Variants in TRMT11 observed in about 807,000 individuals in gnomAD.
TRMT11 encodes tRNA (guanine(10)-N(2))-methyltransferase TRMT11.
TRMT11 carries 53 observed loss-of-function variants against 62.8 expected under a neutral mutation model. The ratio of observed to expected loss-of-function variants is 0.84; its 90% CI spans 0.68 to 1.06. TRMT11 has a LOEUF of 1.06. Ranked by LOEUF, TRMT11 falls within the 50% of genes least tolerant of loss-of-function variation. The pLI is 0.00. For missense variants in TRMT11, 556 were observed against 553.4 expected (o/e 1.00, Z -0.05); for synonymous variants, 188 against 190.3 (o/e 0.99, Z 0.10).
chr6:126,155,767 C>G (rs1008564646), intron 21 of TRMT11, among the ~76,000 whole-genome samples: 1 of 152,216 alleles, frequency 6.6e-6, no homozygotes, highest in Admixed American at 6.5e-5. Flanking sequence ...GTCACCCAGG[C>G]TGGAGTGCAG....
intron 17 of TRMT11, among the ~76,000 whole-genome samples, chr6:126,105,856 G>A (rs1171804477): frequency 6.6e-6 from 1 of 152,120 alleles, no homozygotes; most frequent in African/African-American, 2.4e-5. Context: ...GAAACCAGGG[G>A]CTGTGTATTT....
rs115894371 is a variant in TRMT11 at position 126,089,691 on chromosome 6, A to C, written c.*1438-23175A>C. On this transcript the variant is annotated intron_variant and NMD_transcript_variant, in intron 17 of 22. Coordinates refer to the TRMT11 transcript ENST00000648977. ...CTGAAATCCAAGGGTGATGGAAAAA[A>C]AATAAATGGTAGAGGTTTTCTTCTT... is the stretch of plus-strand genomic sequence containing the variant. Among the ~76,000 whole-genome samples, 217 of 152,352 alleles carry C rather than the reference A, an allele frequency of 1.4e-3. 2 individuals carry two copies. Among genetic ancestry groups the C allele is most frequent in the African/African-American group, 5.0e-3 (209 of 41,584 alleles).
At chr6:126,032,810 A>C (rs1774456916) in intron 12 of TRMT11, among the ~76,000 whole-genome samples, 2 of 152,168 alleles carry the variant, frequency 1.3e-5, no homozygotes, top group South Asian at 4.1e-4. Context: ...AAGAATACTG[A>C]CTTTTAAGTG....
chr6:126,101,764 T>C (rs1407961542), intron 17 of TRMT11, among the ~76,000 whole-genome samples: 1 of 152,260 alleles, frequency 6.6e-6, no homozygotes, highest in Non-Finnish European at 1.5e-5. Flanking sequence ...AAGGCCATTC[T>C]TCATGCTCTT....
chr6:126,008,894 A>T (rs1190489243), intron 8 of TRMT11: 2 of 341,034 alleles, frequency 5.9e-6, no homozygotes, highest in Non-Finnish European at 1.2e-5. Flanking sequence ...TAATCTTCAA[A>T]TACAAAATTG....
rs189831761 is a variant in TRMT11 at position 126,163,425 on chromosome 6, C to A, written c.*1824-11400C>A. On this transcript the variant is annotated intron_variant and NMD_transcript_variant, in intron 21 of 22. Coordinates refer to the TRMT11 transcript ENST00000648977. ...AGCCGACTTGATCATGGTGGATAAG[C>A]TTTTTAATGTGCTGCTGGATTTGGT... Among the ~76,000 whole-genome samples the A allele has an allele frequency of 1.9e-3, 284 of 152,248 alleles. 1 individual carries two copies. Among genetic ancestry groups the A allele is most frequent in the Middle Eastern group, 3.4e-3 (1 of 294 alleles).
intron 11 of TRMT11, among the ~76,000 whole-genome samples, chr6:126,017,294 G>A (rs1254801811): frequency 2.0e-5 from 3 of 152,108 alleles, no homozygotes; most frequent in Non-Finnish European, 2.9e-5. Context: ...TTATAACCAA[G>A]TTCAGGTATT....
the TRMT11 span, among the ~76,000 whole-genome samples, chr6:126,247,443 AT>A: frequency 1.3e-5 from 1 of 77,562 alleles, no homozygotes; most frequent in Non-Finnish European, 3.1e-5. Flanking sequence ...CACAGAACAT[AT>A]CTATCTATCT....
intron 21 of TRMT11, among the ~76,000 whole-genome samples, chr6:126,153,465 C>G (rs1388235897): frequency 6.6e-6 from 1 of 152,084 alleles, no homozygotes; most frequent in South Asian, 2.1e-4. Context: ...AAAAATAAAG[C>G]CAAGTTTCAA....
the TRMT11 span, among the ~76,000 whole-genome samples, chr6:126,236,919 A>C: frequency 6.6e-6 from 1 of 152,088 alleles, no homozygotes; most frequent in Admixed American, 6.6e-5. Flanking sequence ...CCTGGGCATA[A>C]TTCCTTTGGC....
the TRMT11 span, among the ~76,000 whole-genome samples, chr6:126,265,544 G>T: frequency 6.6e-6 from 1 of 151,794 alleles, no homozygotes; most frequent in Admixed American, 6.6e-5. Context: ...TAGCATTGAA[G>T]AATTACATGT....
intron 17 of TRMT11, among the ~76,000 whole-genome samples, chr6:126,063,129 A>G (rs1776585963): frequency 6.6e-6 from 1 of 152,162 alleles, no homozygotes; most frequent in East Asian, 1.9e-4. Flanking sequence ...AATGTCATAT[A>G]GTTATCTCTG....
chr6:126,150,454 A>G (rs1318821090), intron 21 of TRMT11, among the ~76,000 whole-genome samples: 2 of 152,168 alleles, frequency 1.3e-5, no homozygotes, highest in African/African-American at 4.8e-5. Flanking sequence ...GTTTGTATAA[A>G]CCTTATCACA....
In TRMT11 at chr6:126,131,430, A is replaced by G. The variant is rs576772580; in HGVS notation, c.*1823+15575A>G. Among the ~76,000 whole-genome samples the G allele has an allele frequency of 9.2e-5, 14 of 152,184 alleles. No homozygotes were observed. The South Asian group carries it at 2.7e-3, about 29-fold the overall frequency. ...AGAGAGAACTGCAGGAATTTTAAGA[A>G]CTTGCATCAATTCCCCTGTGTAGAA... On this transcript the variant is annotated intron_variant and NMD_transcript_variant, in intron 21 of 22. Coordinates refer to the TRMT11 transcript ENST00000648977.
At chr6:126,224,680 G>A in the TRMT11 span, among the ~76,000 whole-genome samples, 1 of 152,206 alleles carries the variant, frequency 6.6e-6, no homozygotes, top group Non-Finnish European at 1.5e-5. Context: ...TGCCCTGGTG[G>A]CAACAGAGTG....
downstream of TRMT11, among the ~76,000 whole-genome samples, chr6:126,208,057 C>T (rs115419413): frequency 0.018 from 2,784 of 152,212 alleles, 90 homozygotes; most frequent in African/African-American, 0.063. Context: ...AAATATTAAA[C>T]GTGCATTGAA....
At chr6:126,043,995 T>G (rs1038119844), downstream of TRMT11, among the ~76,000 whole-genome samples, 7 of 151,926 alleles carry the variant, frequency 4.6e-5, no homozygotes, top group South Asian at 6.3e-4. Flanking sequence ...TTTCTCCCAT[T>G]CTGTAGGTTG....
intron 16 of TRMT11, among the ~76,000 whole-genome samples, chr6:126,045,758 T>G (rs1776038216): frequency 6.6e-6 from 1 of 152,126 alleles, no homozygotes; most frequent in Non-Finnish European, 1.5e-5. Context: ...TCATTAGAAC[T>G]TTGGCTGTTT....
chr6:126,166,583 G>A (rs947816751), intron 21 of TRMT11, among the ~76,000 whole-genome samples: 8 of 152,282 alleles, frequency 5.3e-5, no homozygotes, highest in South Asian at 2.1e-4. Context: ...CAGGATGCAC[G>A]GGGGTCAAGG....
Sources: gnomAD v4.1 joint callset for allele counts (sites outside exome capture counted in the v4.1 genomes callset) on GRCh38, gnomAD v4.1.1 for gene constraint, MANE v1.5 for transcripts, NCBI Gene and HGNC (gene_info 2026-07-23, HGNC 2026-07-21) for gene names.